DMD: variants seen among roughly 807,000 people sequenced by gnomAD.
DMD encodes the protein mutant dystrophin.
Under a neutral mutation model 330.1 loss-of-function variants are expected in DMD, and 63 were observed. That is an observed-to-expected ratio of 0.19 (90% confidence interval 0.16 to 0.24). The LOEUF (loss-of-function observed/expected upper bound fraction) is 0.24. Among genes scored for constraint, DMD ranks in the 10% least tolerant of loss-of-function variants. The probability of loss-of-function intolerance (pLI) is 1.00; values close to 1 mark genes in which losing one functional copy is unlikely to be tolerated. For synonymous variants in DMD, 1,223 were observed against 959.8 expected (o/e 1.27, Z -5.07); for missense variants, 3,344 against 2,684.1 (o/e 1.25, Z -5.43).
intron 16 of DMD, among the ~76,000 whole-genome samples, chrX:32,547,321 C>T (rs2049072057): frequency 9.1e-6 from 1 of 110,362 alleles, no homozygotes; most frequent in African/African-American, 3.3e-5. Flanking sequence ...GATACATGTG[C>T]CCATGGAGGG....
intron 2 of DMD, among the ~76,000 whole-genome samples, chrX:32,927,174 G>A (rs1454754775): frequency 9.0e-6 from 1 of 111,019 alleles, no homozygotes; most frequent in Non-Finnish European, 1.9e-5. Flanking sequence ...ATCTTATCTA[G>A]CCTTTCTCAC....
At chrX:31,585,470 A>AATATTTG (rs2076554148) in intron 55 of DMD, among the ~76,000 whole-genome samples, 1 of 102,850 alleles carries the variant, frequency 9.7e-6, no homozygotes, top group African/African-American at 3.6e-5. Flanking sequence ...TGAACAATTT[A>AATATTTG]ATATTTGGCT....
intron 44 of DMD, among the ~76,000 whole-genome samples, chrX:32,098,243 A>G (rs2096522050): frequency 8.9e-6 from 1 of 111,778 alleles, no homozygotes; most frequent in African/African-American, 3.2e-5. Context: ...ATATAGAAAT[A>G]AATAAAGATC....
At chrX:31,970,343 C>A (rs1399977391) in intron 44 of DMD, among the ~76,000 whole-genome samples, 1 of 110,280 alleles carries the variant, frequency 9.1e-6, no homozygotes, top group Non-Finnish European at 1.9e-5. Context: ...GTATTAATAC[C>A]CATTACTGAT....
At chrX:33,255,903 T>A (rs1485179960) in intron 1 of DMD, among the ~76,000 whole-genome samples, 2 of 111,660 alleles carry the variant, frequency 1.8e-5, no homozygotes, top group Non-Finnish European at 3.8e-5. Context: ...AATTAGGCCA[T>A]CCATACCTGC....
At chrX:32,454,372 T>C (rs2148345491) in intron 26 of DMD, among the ~76,000 whole-genome samples, 1 of 111,298 alleles carries the variant, frequency 9.0e-6, no homozygotes, top group South Asian at 3.7e-4. Flanking sequence ...AGACAGTTAA[T>C]GAAATGAGTT....
At chrX:32,434,529 C>G (rs1048843866) in intron 29 of DMD, among the ~76,000 whole-genome samples, 1 of 112,362 alleles carries the variant, frequency 8.9e-6, no homozygotes, top group African/African-American at 3.2e-5. Context: ...GATTATAACA[C>G]ATTAATGTAC....
At chrX:32,684,834 T>A (rs1315190135) in intron 9 of DMD, among the ~76,000 whole-genome samples, 2 of 111,398 alleles carry the variant, frequency 1.8e-5, no homozygotes, top group Non-Finnish European at 3.8e-5. Context: ...TTTATCAGCA[T>A]TATTTATATA....
At chrX:31,161,274 A>G (rs1450959002) in intron 74 of DMD, among the ~76,000 whole-genome samples, 1 of 111,996 alleles carries the variant, frequency 8.9e-6, no homozygotes, top group Non-Finnish European at 1.9e-5. Context: ...GGAAGCTCAA[A>G]CTGAATCTGA....
At chrX:32,935,039 C>A (rs918522111) in intron 2 of DMD, among the ~76,000 whole-genome samples, 1 of 113,075 alleles carries the variant, frequency 8.8e-6, no homozygotes, top group Non-Finnish European at 1.9e-5. Flanking sequence ...AGCGCAGTGG[C>A]GCGATCTCGG....
chrX:32,331,687 C>T (rs138329768), intron 41 of DMD, among the ~76,000 whole-genome samples: 3,687 of 111,296 alleles, frequency 0.033, 147 homozygotes, highest in African/African-American at 0.11. Context: ...GTATATCTAA[C>T]AGAGCCATAA....
intron 22 of DMD, 23 bp from the exon 23 acceptor site, chrX:32,468,733 C>A: frequency 8.9e-7 from 1 of 1,125,937 alleles, no homozygotes; most frequent in African/African-American, 1.8e-5. Flanking sequence ...TTTTTAAATA[C>A]ATTTACCCTA....
chrX:32,604,070 C>A (rs2056462141), intron 12 of DMD, among the ~76,000 whole-genome samples: 1 of 110,538 alleles, frequency 9.0e-6, no homozygotes, highest in East Asian at 2.8e-4. Flanking sequence ...GCCAATATCC[C>A]TGATGAACAT....
At chrX:31,417,323 C>T (rs1013198226) in intron 60 of DMD, among the ~76,000 whole-genome samples, 10 of 108,034 alleles carry the variant, frequency 9.3e-5, no homozygotes, top group Admixed American at 8.9e-4. Context: ...GACGGAGTCT[C>T]GCTCTGTCGC....
At chrX:32,784,006 T>TGG (rs58920881) in intron 7 of DMD, among the ~76,000 whole-genome samples, 3 of 90,463 alleles carry the variant, frequency 3.3e-5, no homozygotes, top group Non-Finnish European at 4.6e-5. Flanking sequence ...GGAGCGGGGG[T>TGG]GGGGGGGGGA....
At chrX:33,109,732 T>G (rs916716925) in intron 1 of DMD, among the ~76,000 whole-genome samples, 3 of 111,783 alleles carry the variant, frequency 2.7e-5, no homozygotes. Context: ...TTTTTCCCCT[T>G]ACAGGTAGAT....
At position 32,870,988 on chromosome X, in the gene DMD, A is replaced by AAC. The variant is rs2082944341; in HGVS notation, c.94-21169_94-21168insGT. Among the ~76,000 whole-genome samples, 5 of 41,769 alleles carry AAC rather than the reference A, an allele frequency of 1.2e-4. 1 individual carries two copies. Among genetic ancestry groups the AAC allele is most frequent in the Admixed American group, 3.4e-4 (1 of 2,978 alleles). 36.3% of individuals were successfully genotyped at this position (41,769 alleles called of 115,157 possible). A position where few individuals can be genotyped will look rare whatever the true frequency, so the allele number is the denominator to read the frequency against. ...AAAAAAAAAAAAAAAAAAAAAAAAA[A>AAC]CCACAAAACCCATCATCAGAATGAA... On this transcript the variant is annotated intron_variant, in intron 2 of 78. Transcript: ENST00000357033.
chrX:32,734,585 C>T (rs1339133758), intron 7 of DMD, among the ~76,000 whole-genome samples: 5 of 103,369 alleles, frequency 4.8e-5, no homozygotes, highest in African/African-American at 1.1e-4. Context: ...TGGGCTTCAT[C>T]CCTGGGATGC....
intron 44 of DMD, among the ~76,000 whole-genome samples, chrX:32,080,265 G>C (rs916584741): frequency 8.9e-6 from 1 of 112,231 alleles, no homozygotes; most frequent in Non-Finnish European, 1.9e-5. Flanking sequence ...CAAACAACAA[G>C]GAGAGGCACC....
Sources: gnomAD v4.1 joint callset for allele counts (sites outside exome capture counted in the v4.1 genomes callset) on GRCh38, gnomAD v4.1.1 for gene constraint, MANE v1.5 for transcripts, NCBI Gene and HGNC (gene_info 2026-07-23, HGNC 2026-07-21) for gene names.